ELP4: variants seen among roughly 807,000 people sequenced by gnomAD.
The protein encoded by ELP4 is elongator complex protein 4.
In ELP4, 51 loss-of-function variants were observed where a neutral mutation model predicts 48.9. The ratio of observed to expected loss-of-function variants is 1.04; its 90% CI spans 0.83 to 1.32. ELP4 has a LOEUF of 1.32. Among genes scored for constraint, ELP4 ranks in the 40% most tolerant of loss-of-function variants. The pLI is 0.00. For missense variants in ELP4, 519 were observed against 514.6 expected (o/e 1.01, Z -0.08); for synonymous variants, 210 against 189.2 (o/e 1.11, Z -0.90).
intron 9 of ELP4, among the ~76,000 whole-genome samples, chr11:31,700,302 G>A (rs947954097): frequency 6.6e-6 from 1 of 151,928 alleles, no homozygotes; most frequent in African/African-American, 2.4e-5. Context: ...GGAATTCTTT[G>A]TTTTGTTCTG....
At chr11:31,735,574 C>T (rs892454712) in intron 9 of ELP4, among the ~76,000 whole-genome samples, 1 of 152,122 alleles carries the variant, frequency 6.6e-6, no homozygotes, top group African/African-American at 2.4e-5. Context: ...ATCTAGAAAA[C>T]CCCATCGTCT....
intron 9 of ELP4, among the ~76,000 whole-genome samples, chr11:31,765,249 CA>C (rs1013393778): frequency 6.6e-6 from 1 of 150,946 alleles, no homozygotes. Flanking sequence ...AGTTTTTTAA[CA>C]AAAAAAAATT....
intron 9 of ELP4, among the ~76,000 whole-genome samples, chr11:31,709,377 TC>T (rs1188988996): frequency 6.6e-6 from 1 of 152,166 alleles, no homozygotes; most frequent in Non-Finnish European, 1.5e-5. Context: ...GAAAAGCTGC[TC>T]CTAAGGAAGT....
At chr11:31,538,616 T>C (rs980559951) in intron 2 of ELP4, among the ~76,000 whole-genome samples, 5 of 151,326 alleles carry the variant, frequency 3.3e-5, no homozygotes, top group Non-Finnish European at 7.4e-5. Flanking sequence ...AGATCCCATG[T>C]GTCAAGTTGA....
intron 9 of ELP4, among the ~76,000 whole-genome samples, chr11:31,753,768 GA>G (rs1947778008): frequency 1.3e-5 from 2 of 152,080 alleles, no homozygotes. Flanking sequence ...GCATTTGTAT[GA>G]AATTTATTAA....
intron 9 of ELP4, among the ~76,000 whole-genome samples, chr11:31,770,117 G>T (rs1948107333): frequency 6.6e-6 from 1 of 152,004 alleles, no homozygotes; most frequent in African/African-American, 2.4e-5. Context: ...TCTCAGCTTG[G>T]CCTTGCTAAA....
intron 9 of ELP4, among the ~76,000 whole-genome samples, chr11:31,781,802 C>T (rs1241643526): frequency 6.6e-6 from 1 of 152,066 alleles, no homozygotes; most frequent in Non-Finnish European, 1.5e-5. Flanking sequence ...TGGCCGATTC[C>T]TGAGCCTTTC....
At chr11:31,691,822 T>A (rs1287186379) in intron 9 of ELP4, among the ~76,000 whole-genome samples, 1 of 152,166 alleles carries the variant, frequency 6.6e-6, no homozygotes. Context: ...TATCCCCAGA[T>A]GACACAAAGC....
chr11:31,665,175 C>G (rs1565102049), intron 9 of ELP4, among the ~76,000 whole-genome samples: 1 of 152,126 alleles, frequency 6.6e-6, no homozygotes, highest in Non-Finnish European at 1.5e-5. Context: ...ACCAAACCAC[C>G]CTATGACTGA....
chr11:31,510,353 C>T, intron 1 of ELP4: 1 of 469,788 alleles, frequency 2.1e-6, no homozygotes, highest in Non-Finnish European at 3.8e-6. Context: ...AGGATACCTC[C>T]CTTCTGCTTT....
At chr11:31,693,797 A>G (rs1016073272) in intron 9 of ELP4, among the ~76,000 whole-genome samples, 14 of 152,124 alleles carry the variant, frequency 9.2e-5, no homozygotes, top group Non-Finnish European at 2.1e-4. Flanking sequence ...AAGTGTTCCT[A>G]TTTCTCCACA....
chr11:31,702,459 G>C (rs1229130601), intron 9 of ELP4, among the ~76,000 whole-genome samples: 1 of 151,952 alleles, frequency 6.6e-6, no homozygotes, highest in East Asian at 1.9e-4. Flanking sequence ...AATGGATAAT[G>C]GTAAAAGTTG....
intron 3 of ELP4, among the ~76,000 whole-genome samples, chr11:31,582,462 T>A (rs1957407703): frequency 6.6e-6 from 1 of 152,222 alleles, no homozygotes; most frequent in Non-Finnish European, 1.5e-5. Flanking sequence ...TTCCAGATGT[T>A]TTCTTTTTAC....
chr11:31,540,764 A>T (rs1458729356), intron 3 of ELP4, among the ~76,000 whole-genome samples: 2 of 152,242 alleles, frequency 1.3e-5, no homozygotes, highest in Non-Finnish European at 2.9e-5. Context: ...AGATAAAGAA[A>T]ACAACTGTAG....
rs1462043653 is a variant in ELP4 at position 31,784,415 on chromosome 11, G to A, written c.*891G>A. Reference sequence around the variant, plus strand: ...AACCATGTAAACATGTCTTTGGGGGGTATAGCATATCGAACCAGTTTTCAT... The same window carrying A: ...AACCATGTAAACATGTCTTTGGGGGATATAGCATATCGAACCAGTTTTCAT... On this transcript the variant is annotated 3_prime_UTR_variant, in exon 10 of 10. Transcript: ENST00000640961. The A allele has an allele frequency of 2.0e-5, 3 of 152,010 alleles. No individual in the cohort carries two copies. Among genetic ancestry groups the A allele is most frequent in the African/African-American group, 4.8e-5 (2 of 41,404 alleles). 9.4% of individuals were successfully genotyped at this position (152,010 alleles called of 1,614,324 possible).
chr11:31,602,994 G>C (rs1957809798), intron 4 of ELP4, among the ~76,000 whole-genome samples: 1 of 151,896 alleles, frequency 6.6e-6, no homozygotes, highest in Non-Finnish European at 1.5e-5. Context: ...ATAATGTTAT[G>C]TTAGTAGACT....
intron 9 of ELP4, among the ~76,000 whole-genome samples, chr11:31,697,456 G>C (rs560448621): frequency 2.0e-5 from 3 of 152,054 alleles, no homozygotes; most frequent in South Asian, 2.1e-4. Flanking sequence ...TCTCTCAAAA[G>C]CAATTTGTTT....
chr11:31,511,255 C>T (rs1050862408), intron 1 of ELP4: 2 of 152,060 alleles, frequency 1.3e-5, no homozygotes, highest in Non-Finnish European at 2.9e-5. Context: ...ACCGTTTTTC[C>T]CTTGTGAGCC....
intron 6 of ELP4, among the ~76,000 whole-genome samples, chr11:31,631,191 C>A (rs1200444956): frequency 1.3e-5 from 2 of 151,968 alleles, no homozygotes; most frequent in Admixed American, 1.3e-4. Flanking sequence ...TTTGTAATAT[C>A]AGGGAAATAG....
Sources: gnomAD v4.1 joint callset for allele counts (sites outside exome capture counted in the v4.1 genomes callset) on GRCh38, gnomAD v4.1.1 for gene constraint, MANE v1.5 for transcripts, NCBI Gene and HGNC (gene_info 2026-07-23, HGNC 2026-07-21) for gene names.